JPH1: variants seen among roughly 807,000 people sequenced by gnomAD.
JPH1 encodes junctophilin-1.
In JPH1, 12 loss-of-function variants were observed where a neutral mutation model predicts 53.6. The observed-to-expected ratio is 0.22, with a 90% CI of 0.14 to 0.36. The LOEUF (loss-of-function observed/expected upper bound fraction) is 0.36. JPH1 is among the 10% of genes least tolerant of loss of function. The probability of loss-of-function intolerance (pLI) is 1.00; values close to 1 mark genes in which losing one functional copy is unlikely to be tolerated. For synonymous variants in JPH1, 375 were observed against 363.8 expected, an observed-to-expected ratio of 1.03 and a Z score of -0.35; for missense variants, 808 against 905.5, an observed-to-expected ratio of 0.89 and a Z score of 1.38.
intron 3 of JPH1, among the ~76,000 whole-genome samples, chr8:74,254,602 T>C (rs1416573620): frequency 6.6e-6 from 1 of 152,114 alleles, no homozygotes; most frequent in African/African-American, 2.4e-5. Flanking sequence ...GGAAGTCAAA[T>C]TGTCCCTGTT....
At chr8:74,311,673 C>T (rs1455832542) in intron 2 of JPH1, among the ~76,000 whole-genome samples, 1 of 59,190 alleles carries the variant, frequency 1.7e-5, no homozygotes, top group Non-Finnish European at 3.1e-5. Context: ...CCCTCCCCTC[C>T]CCCCACCCCA....
chr8:74,278,239 C>T (rs933583464), intron 2 of JPH1, among the ~76,000 whole-genome samples: 3 of 152,036 alleles, frequency 2.0e-5, no homozygotes, highest in African/African-American at 7.3e-5. Flanking sequence ...TTCCCCTGCA[C>T]AAGCTCTGTC....
intron 2 of JPH1, among the ~76,000 whole-genome samples, chr8:74,272,357 T>C (rs10087179): frequency 0.3 from 45,885 of 152,078 alleles, 7,978 homozygotes; most frequent in South Asian, 0.45. Flanking sequence ...ATTACATACA[T>C]TGCATACATC....
At position 74,315,495 on chromosome 8, in the gene JPH1, C is replaced by A; in HGVS notation, c.505G>T (p.Glu169Ter). 1 of 1,605,990 alleles carries A rather than the reference C, an allele frequency of 6.2e-7. No individual in the cohort carries two copies. The highest frequency in any genetic ancestry group is 8.5e-7 in the Non-Finnish European group (1 of 1,177,128). Residue 169 changes from glutamate to a stop codon, truncating the protein, a stop_gained, in exon 2 of 6, where the codon GAG becomes TAG. Coordinates refer to ENST00000342232, the MANE Select transcript of JPH1 (RefSeq NM_020647.4). LOFTEE classifies it high-confidence loss of function. The surrounding 1 kb of genome is among the most constrained non-coding windows in gnomAD (Gnocchi z 6.3). ...TGGAGCACGCTGCCATTGCTCTGCTCGCTGCGCAGCGAGGCCAGCGAGGTA... is the reference window on the plus strand; with the variant it reads ...TGGAGCACGCTGCCATTGCTCTGCTAGCTGCGCAGCGAGGCCAGCGAGGTA... ...LRTSLASLRS[E>*]QSNGSVLHDA...
In JPH1 at chr8:74,244,669, A is replaced by G; in HGVS notation, c.1765T>C (p.Trp589Arg). 1 of 1,614,142 alleles carries G rather than the reference A, an allele frequency of 6.2e-7. No homozygotes were observed. Among genetic ancestry groups the G allele is most frequent in the Non-Finnish European group, 8.5e-7 (1 of 1,180,038 alleles). ...ALVHKPSANK[W>R]SPSKSVTKPV... ...TTTGTCACAGATTTGGAGGGACTCC[A>G]CTTGTTAGCGGATGGCTTGTGCACC... is the stretch of plus-strand genomic sequence containing the variant. Residue 589 changes from tryptophan (W) to arginine (R), a missense_variant, in exon 4 of 6, where the codon TGG (tryptophan) becomes CGG (arginine). By Grantham distance (101) the Trp-to-Arg change is moderately radical. Around this residue, in one of 2 missense-constraint regions of JPH1, gnomAD observed 756 missense variants for 811.9 expected, o/e 0.93. Transcript: ENST00000342232.
chr8:74,298,519 G>A (rs1333346858), intron 2 of JPH1, among the ~76,000 whole-genome samples: 3 of 152,072 alleles, frequency 2.0e-5, no homozygotes, highest in Non-Finnish European at 1.5e-5. Flanking sequence ...ACTCTGAAAC[G>A]GTTTCCACTT....
At chr8:74,259,544 C>A in intron 2 of JPH1, 41 bp from the exon 3 acceptor site, 1 of 1,353,000 alleles carries the variant, frequency 7.4e-7, no homozygotes, top group Non-Finnish European at 1.0e-6. Context: ...TAGGTGACCC[C>A]TTGTTACTTA....
chr8:74,268,792 A>G (rs1806613328), intron 2 of JPH1, among the ~76,000 whole-genome samples: 1 of 152,198 alleles, frequency 6.6e-6, no homozygotes, highest in Non-Finnish European at 1.5e-5. Flanking sequence ...TAGGAATTAG[A>G]GTAATTCAAG....
At chr8:74,246,027 T>C (rs76089125) in intron 3 of JPH1, among the ~76,000 whole-genome samples, 5,717 of 151,910 alleles carry the variant, frequency 0.038, 338 homozygotes, top group African/African-American at 0.12. Flanking sequence ...TCGAGGAGGC[T>C]GTGGTCTGGA....
intron 2 of JPH1, among the ~76,000 whole-genome samples, chr8:74,284,835 T>TTA (rs1807115571): frequency 6.6e-6 from 1 of 151,694 alleles, no homozygotes. Context: ...CTTTCTTTTT[T>TTA]TTTTTTTCAG....
At chr8:74,261,569 G>T (rs1806396779) in intron 2 of JPH1, among the ~76,000 whole-genome samples, 1 of 152,170 alleles carries the variant, frequency 6.6e-6, no homozygotes. Context: ...ACAACTGGCT[G>T]TTGGAATAAC....
At position 74,320,919 on chromosome 8, in the gene JPH1, G is replaced by A. The variant is rs755827809; in HGVS notation, c.369C>T (p.Tyr123=). ...CGTTACGCCGCTCACCTCCGTCCCC[G>A]TAGGTCTCCACGCCGTACCCGTCTT... ...GLQDGYGVET[Y]GDGGTYQGQW... is the part of the protein sequence containing the mutation. Residue 123 remains tyrosine (Y), a synonymous_variant, in exon 1 of 6, where the codon TAC becomes TAT. Transcript: ENST00000342232. The surrounding 1 kb of genome is among the most constrained non-coding windows in gnomAD (Gnocchi z 4.4). 3 of 1,569,866 alleles carry A rather than the reference G, an allele frequency of 1.9e-6. No homozygotes were observed. The highest frequency in any genetic ancestry group is 2.6e-6 in the Non-Finnish European group (3 of 1,158,544).
At chr8:74,265,288 T>C (rs1193607023) in intron 2 of JPH1, among the ~76,000 whole-genome samples, 1 of 152,198 alleles carries the variant, frequency 6.6e-6, no homozygotes, top group East Asian at 1.9e-4. Flanking sequence ...TTTCTTTTTG[T>C]CCATCACCAG....
At chr8:74,280,043 A>G (rs896264817) in intron 2 of JPH1, among the ~76,000 whole-genome samples, 8 of 152,208 alleles carry the variant, frequency 5.3e-5, no homozygotes, top group Non-Finnish European at 8.8e-5. Flanking sequence ...AAGGAGAGGC[A>G]AATATACCTT....
chr8:74,253,400 G>C (rs1177740864), intron 3 of JPH1, among the ~76,000 whole-genome samples: 3 of 152,118 alleles, frequency 2.0e-5, no homozygotes, highest in Non-Finnish European at 4.4e-5. Flanking sequence ...GCAGTGTGTA[G>C]AGGGAAATTT....
rs184277849 is a variant in JPH1, at chr8:74,244,771, C to T, written c.1663G>A (p.Val555Met). Residue 555 changes from valine to methionine, a missense_variant, in exon 4 of 6, where the codon GTG (valine) becomes ATG (methionine). By Grantham distance (21) the Val-to-Met change is conservative. Around this residue, in one of 2 missense-constraint regions of JPH1, gnomAD observed 756 missense variants for 811.9 expected, o/e 0.93. Transcript: ENST00000342232. ...ELHSQYHGYY[V>M]KLNAPQHPPV... ...GGGTGCTGGGGGGCGTTCAGCTTCA[C>T]GTAGTAGCCGTGATACTGAGAATGC... The T allele has an allele frequency of 2.9e-4, 471 of 1,614,188 alleles. 4 individuals are homozygous for T. The Admixed American group carries it at 7.4e-3, about 25-fold the overall frequency.
intron 3 of JPH1, among the ~76,000 whole-genome samples, chr8:74,245,445 T>C (rs1175236046): frequency 1.3e-5 from 2 of 152,190 alleles, no homozygotes; most frequent in South Asian, 2.1e-4. Flanking sequence ...TGATGGAACA[T>C]TGGTCGCAAT....
intron 3 of JPH1, among the ~76,000 whole-genome samples, chr8:74,247,095 A>C (rs1048354492): frequency 6.6e-6 from 1 of 152,218 alleles, no homozygotes; most frequent in African/African-American, 2.4e-5. Context: ...CCTGCTCTTT[A>C]AAACTCATCA....
chr8:74,246,037 A>G (rs1805852461), intron 3 of JPH1, among the ~76,000 whole-genome samples: 1 of 152,018 alleles, frequency 6.6e-6, no homozygotes, highest in Admixed American at 6.6e-5. Context: ...TGTGGTCTGG[A>G]AAGGGGCATC....
Sources: gnomAD v4.1 joint callset for allele counts (sites outside exome capture counted in the v4.1 genomes callset) on GRCh38, gnomAD v4.1.1 for gene constraint, gnomAD v4.1.1 regional missense constraint, Gnocchi (gnomAD v3.1) non-coding constraint, MANE v1.5 for transcripts, NCBI Gene and HGNC (gene_info 2026-07-23, HGNC 2026-07-21) for gene names.